NCALD: variants seen among roughly 807,000 people sequenced by gnomAD.
The protein encoded by NCALD is neurocalcin delta.
A neutral mutation model predicts 18.6 loss-of-function variants in NCALD; 10 were observed. The ratio of observed to expected loss-of-function variants is 0.54; its 90% CI spans 0.33 to 0.91. NCALD has a LOEUF of 0.91. Ranked by LOEUF, NCALD falls within the 40% of genes least tolerant of loss-of-function variation. The pLI is 0.03. For missense variants in NCALD, 184 were observed against 247.6 expected (o/e 0.74, Z 1.72); for synonymous variants, 88 against 87.4 (o/e 1.01, Z -0.04).
chr8:101,881,529 T>C (rs1816494482), intron 4 of NCALD, among the ~76,000 whole-genome samples: 1 of 152,224 alleles, frequency 6.6e-6, no homozygotes, highest in Non-Finnish European at 1.5e-5. Flanking sequence ...AAAACTAGAA[T>C]TGATTTCATT....
chr8:102,094,031 T>C (rs1825012493), intron 1 of NCALD, among the ~76,000 whole-genome samples: 13 of 152,192 alleles, frequency 8.5e-5, no homozygotes, highest in Admixed American at 8.5e-4. Flanking sequence ...TTTGATTATC[T>C]ATAAAGTATC....
intron 1 of NCALD, among the ~76,000 whole-genome samples, chr8:102,024,972 C>G (rs1219169844): frequency 6.6e-6 from 1 of 152,134 alleles, no homozygotes; most frequent in Non-Finnish European, 1.5e-5. Context: ...CCTAACAAAC[C>G]AATTGCTCCC....
At chr8:102,123,557 G>A (rs956667254) in intron 1 of NCALD, among the ~76,000 whole-genome samples, 2 of 151,770 alleles carry the variant, frequency 1.3e-5, no homozygotes, top group African/African-American at 4.8e-5. Flanking sequence ...TGCTTCTCTG[G>A]GAGCTAAAAA....
rs1252717985 is a variant in NCALD at position 102,080,951 on chromosome 8, T to TTTGG, written c.-210+43282_-210+43285dup. Reference sequence around the variant, plus strand: ...AATAAGGTTTGAAGGAAACTTTTTGTTTGGTTGGTTGGGGTTTTTTCCCCC... The same window carrying TTTGG: ...AATAAGGTTTGAAGGAAACTTTTTGTTTGGTTGGTTGGTTGGGGTTTTTTCCCCC... On this transcript the variant is annotated intron_variant, in intron 1 of 6. Coordinates refer to the NCALD transcript ENST00000311028. Among the ~76,000 whole-genome samples the TTTGG allele has an allele frequency of 2.0e-5, 3 of 152,260 alleles. No homozygotes were observed. In the East Asian group the frequency reaches 5.8e-4, roughly 29 times the overall value.
In NCALD at chr8:101,689,736, A is replaced by G. The variant is rs1373764120; in HGVS notation, c.485-330T>C. On this transcript the variant is annotated intron_variant, in intron 3 of 3. Transcript: ENST00000220931. The surrounding 1 kb of genome is among the most constrained non-coding windows in gnomAD (Gnocchi z 4.4). ...ACTTGGTCCCTGACCTCCTGGCTCC[A>G]GGCGCCCTGGAGAGGCTCACTCAGC... 6.6e-6 allele frequency among the ~76,000 whole-genome samples: 1 copy of G among 152,178 alleles called. No homozygotes were observed. The highest frequency in any genetic ancestry group is 1.5e-5 in the Non-Finnish European group (1 of 68,028).
intron 2 of NCALD, among the ~76,000 whole-genome samples, chr8:101,993,081 A>T (rs1383260681): frequency 6.8e-6 from 1 of 147,782 alleles, no homozygotes; most frequent in Non-Finnish European, 1.5e-5. Flanking sequence ...CAAAGGGTCA[A>T]AGGGACAAGC....
At chr8:101,759,798 G>A (rs1289901826) in intron 1 of NCALD, among the ~76,000 whole-genome samples, 2 of 152,138 alleles carry the variant, frequency 1.3e-5, no homozygotes, top group East Asian at 3.9e-4. Context: ...AAAACTTGAC[G>A]AGAGTAGTAA....
chr8:101,993,284 A>C (rs1821120190), intron 2 of NCALD, among the ~76,000 whole-genome samples: 1 of 151,998 alleles, frequency 6.6e-6, no homozygotes, highest in South Asian at 2.1e-4. Flanking sequence ...TACAAATATC[A>C]TCAGTTTTCC....
At chr8:101,967,230 T>G (rs961318288) in intron 2 of NCALD, among the ~76,000 whole-genome samples, 1 of 152,214 alleles carries the variant, frequency 6.6e-6, no homozygotes, top group African/African-American at 2.4e-5. Flanking sequence ...AACAGTGTTG[T>G]AAACCACAAC....
At chr8:101,721,929 ACT>A (rs1357884421) in intron 1 of NCALD, among the ~76,000 whole-genome samples, 1 of 151,112 alleles carries the variant, frequency 6.6e-6, no homozygotes, top group Admixed American at 6.6e-5. Context: ...GCAGCCTCAA[ACT>A]CTTGAGTTTA....
At chr8:102,098,299 AATT>A (rs1424552601) in intron 1 of NCALD, among the ~76,000 whole-genome samples, 5 of 152,132 alleles carry the variant, frequency 3.3e-5, no homozygotes, top group African/African-American at 1.2e-4. Context: ...ATGAGAGAGC[AATT>A]GGGGTATTTA....
chr8:102,011,949 CT>C lies in NCALD; in HGVS notation c.-157+8287del, dbSNP rs200306491. ...CTCTCCCATGGAAAAACAAAAGGGT[CT>C]TTCCATGTTCGTCAGAAAGGCAAAT... On this transcript the variant is annotated intron_variant, in intron 2 of 6. Transcript: ENST00000311028. Among the ~76,000 whole-genome samples the C allele has an allele frequency of 7.4e-3, 1,134 of 152,252 alleles. 10 individuals are homozygous for C. Among genetic ancestry groups the C allele is most frequent in the African/African-American group, 0.025 (1,027 of 41,538 alleles).
chr8:102,118,844 C>T (rs1825865302), intron 1 of NCALD, among the ~76,000 whole-genome samples: 1 of 152,214 alleles, frequency 6.6e-6, no homozygotes, highest in South Asian at 2.1e-4. Flanking sequence ...AACTCTACCA[C>T]TATTTCTCAC....
intron 1 of NCALD, among the ~76,000 whole-genome samples, chr8:101,747,777 G>A (rs1217542637): frequency 1.8e-4 from 27 of 151,450 alleles, no homozygotes; most frequent in Non-Finnish European, 2.9e-5. Context: ...GAGTGCAATG[G>A]CACGATCTCA....
At chr8:101,864,086 T>C (rs1408689645) in intron 4 of NCALD, among the ~76,000 whole-genome samples, 1 of 152,182 alleles carries the variant, frequency 6.6e-6, no homozygotes, top group African/African-American at 2.4e-5. Context: ...TCAGATAGTA[T>C]TACATACTTT....
At chr8:101,997,999 G>T (rs1821303236) in intron 2 of NCALD, among the ~76,000 whole-genome samples, 1 of 152,156 alleles carries the variant, frequency 6.6e-6, no homozygotes, top group Non-Finnish European at 1.5e-5. Flanking sequence ...GACAATAAGA[G>T]CATTCAGGTA....
At chr8:102,021,321 A>G (rs529411017) in intron 1 of NCALD, among the ~76,000 whole-genome samples, 1 of 152,312 alleles carries the variant, frequency 6.6e-6, no homozygotes, top group South Asian at 2.1e-4. Flanking sequence ...GCTTCCTACC[A>G]TATTTCATTA....
chr8:101,776,494 C>T (rs1811797166), intron 1 of NCALD, among the ~76,000 whole-genome samples: 1 of 152,050 alleles, frequency 6.6e-6, no homozygotes, highest in African/African-American at 2.4e-5. Context: ...AAATAGGAGG[C>T]AAAGCACTCC....
At chr8:101,882,292 A>C (rs1227076480) in intron 4 of NCALD, among the ~76,000 whole-genome samples, 1 of 152,076 alleles carries the variant, frequency 6.6e-6, no homozygotes, top group Admixed American at 6.6e-5. Context: ...CCTAACCCCC[A>C]AGGTGATTAT....
Sources: gnomAD v4.1 joint callset for allele counts (sites outside exome capture counted in the v4.1 genomes callset) on GRCh38, gnomAD v4.1.1 for gene constraint, Gnocchi (gnomAD v3.1) non-coding constraint, MANE v1.5 for transcripts, NCBI Gene and HGNC (gene_info 2026-07-23, HGNC 2026-07-21) for gene names.